Variants in NAV2 observed in about 807,000 individuals in gnomAD.
The protein encoded by NAV2 is helicase, APC down-regulated 1.
A neutral mutation model predicts 223.2 loss-of-function variants in NAV2; 54 were observed. The ratio of observed to expected loss-of-function variants is 0.24; its 90% CI spans 0.19 to 0.30. NAV2 has a LOEUF of 0.30. Among genes scored for constraint, NAV2 ranks in the 10% least tolerant of loss-of-function variants. The probability of loss-of-function intolerance (pLI) is 1.00; values close to 1 mark genes in which losing one functional copy is unlikely to be tolerated. For synonymous variants in NAV2, 1,279 were observed against 1,239.3 expected (o/e 1.03, Z -0.67); for missense variants, 2,806 against 3,147.5 (o/e 0.89, Z 2.60).
chr11:19,572,082 AG>A (rs1381986680), intron 1 of NAV2, among the ~76,000 whole-genome samples: 1 of 152,212 alleles, frequency 6.6e-6, no homozygotes. Flanking sequence ...TGGCAGACAC[AG>A]GGGTGCAGAT....
At chr11:19,370,443 AGT>A (rs1441331020) in intron 1 of NAV2, among the ~76,000 whole-genome samples, 1 of 152,240 alleles carries the variant, frequency 6.6e-6, no homozygotes, top group African/African-American at 2.4e-5. Flanking sequence ...TGCAGGTGAG[AGT>A]GTGTCATCTG....
chr11:19,940,381 A>G (rs1482495168), intron 8 of NAV2, among the ~76,000 whole-genome samples: 1 of 152,250 alleles, frequency 6.6e-6, no homozygotes, highest in Non-Finnish European at 1.5e-5. Flanking sequence ...ATTTTTGGAC[A>G]CTATACTATC....
chr11:20,008,406 C>A (rs1198736465), intron 11 of NAV2, among the ~76,000 whole-genome samples: 1 of 152,170 alleles, frequency 6.6e-6, no homozygotes, highest in Non-Finnish European at 1.5e-5. Flanking sequence ...GTCATCTTCT[C>A]TGTCTTTTCT....
upstream of NAV2, among the ~76,000 whole-genome samples, chr11:19,347,883 C>G (rs1853090378): frequency 6.6e-6 from 1 of 152,214 alleles, no homozygotes; most frequent in African/African-American, 2.4e-5. Context: ...GGCATACTCT[C>G]TTGAAGTCCC....
At chr11:19,347,974 G>A (rs532315752), upstream of NAV2, among the ~76,000 whole-genome samples, 5 of 152,270 alleles carry the variant, frequency 3.3e-5, no homozygotes, top group South Asian at 1.0e-3. Flanking sequence ...TTTCTCCTGT[G>A]ACTCTCTCCC....
intron 14 of NAV2, 137 bp from the exon 15 acceptor site, chr11:20,048,591 G>A: frequency 1.5e-5 from 11 of 713,038 alleles, no homozygotes; most frequent in Admixed American, 5.2e-5. Context: ...CTGAAGTACC[G>A]TTAGCCATTT....
intron 6 of NAV2, among the ~76,000 whole-genome samples, chr11:19,921,940 G>A (rs1216081580): frequency 1.3e-5 from 2 of 152,224 alleles, no homozygotes; most frequent in Non-Finnish European, 2.9e-5. Context: ...ATGTGTGTGT[G>A]TGTGGGTATA....
chr11:19,623,615 T>A (rs910514991), intron 1 of NAV2, among the ~76,000 whole-genome samples: 2 of 152,258 alleles, frequency 1.3e-5, no homozygotes, highest in Non-Finnish European at 2.9e-5. Flanking sequence ...TTCAGCTCCA[T>A]CAGGTCATTT....
chr11:19,562,947 T>C (rs1302072296), intron 1 of NAV2, among the ~76,000 whole-genome samples: 1 of 152,128 alleles, frequency 6.6e-6, no homozygotes, highest in Non-Finnish European at 1.5e-5. Context: ...TAATGTCACC[T>C]TCAAAACATG....
intron 1 of NAV2, among the ~76,000 whole-genome samples, chr11:19,668,527 G>A (rs963633617): frequency 3.1e-5 from 2 of 65,218 alleles, no homozygotes; most frequent in African/African-American, 3.7e-5. Flanking sequence ...AATGAGACTC[G>A]GTCTCAAAAA....
chr11:19,397,538 T>C (rs554159121), intron 1 of NAV2, among the ~76,000 whole-genome samples: 86 of 152,292 alleles, frequency 5.6e-4, no homozygotes, highest in Non-Finnish European at 1.0e-3. Context: ...TGTTTATGGA[T>C]AAGCTGGGTA....
At chr11:20,079,083 C>G (rs1003542110) in intron 24 of NAV2, among the ~76,000 whole-genome samples, 2 of 152,124 alleles carry the variant, frequency 1.3e-5, no homozygotes, top group Admixed American at 1.3e-4. Flanking sequence ...CTCTGTTGCC[C>G]AGGCTGGAGT....
chr11:19,822,237 T>C (rs967506490), intron 1 of NAV2, among the ~76,000 whole-genome samples: 1 of 152,172 alleles, frequency 6.6e-6, no homozygotes, highest in African/African-American at 2.4e-5. Context: ...GAGTCTCAGA[T>C]AGGGTAATTC....
intron 1 of NAV2, among the ~76,000 whole-genome samples, chr11:19,376,632 C>T (rs923021905): frequency 3.3e-5 from 5 of 152,194 alleles, no homozygotes; most frequent in South Asian, 2.1e-4. Flanking sequence ...CCATCCAAAA[C>T]GTTTATGAAA....
At chr11:19,410,680 A>C (rs1850107670) in intron 1 of NAV2, among the ~76,000 whole-genome samples, 3 of 152,218 alleles carry the variant, frequency 2.0e-5, no homozygotes, top group African/African-American at 7.2e-5. Context: ...TATAATAGAT[A>C]GAATGACATG....
intron 31 of NAV2, among the ~76,000 whole-genome samples, chr11:20,100,370 G>T (rs1171516020): frequency 6.6e-6 from 1 of 152,148 alleles, no homozygotes; most frequent in African/African-American, 2.4e-5. Flanking sequence ...ATCCCGCCTT[G>T]CATTTTTCCT....
chr11:19,412,224 C>G (rs965672316), intron 1 of NAV2, among the ~76,000 whole-genome samples: 1 of 152,130 alleles, frequency 6.6e-6, no homozygotes, highest in Non-Finnish European at 1.5e-5. Flanking sequence ...CTGGGATGCT[C>G]AAGCTTGGTG....
chr11:19,387,470 T>C (rs992685271), intron 1 of NAV2, among the ~76,000 whole-genome samples: 1 of 152,150 alleles, frequency 6.6e-6, no homozygotes, highest in African/African-American at 2.4e-5. Flanking sequence ...CGAGAGAAGA[T>C]GCTGAGTCTC....
chr11:20,064,379 T>C (rs890194964), intron 20 of NAV2, among the ~76,000 whole-genome samples: 1 of 152,144 alleles, frequency 6.6e-6, no homozygotes, highest in African/African-American at 2.4e-5. Context: ...CATGGGACTC[T>C]AGCTTCACAG....
Sources: gnomAD v4.1 joint callset for allele counts (sites outside exome capture counted in the v4.1 genomes callset) on GRCh38, gnomAD v4.1.1 for gene constraint, MANE v1.5 for transcripts, NCBI Gene and HGNC (gene_info 2026-07-23, HGNC 2026-07-21) for gene names.